The following WIF1 variants were observed in gnomAD, a reference collection of about 807,000 sequenced individuals.
WIF1 encodes the protein Wnt inhibitory factor 1.
In WIF1, 35 loss-of-function variants were observed where a neutral mutation model predicts 53.5. That is an observed-to-expected ratio of 0.65 (90% CI 0.50 to 0.87). WIF1 has a LOEUF of 0.87. Ranked by LOEUF, WIF1 falls within the 40% of genes least tolerant of loss-of-function variation. The pLI, the probability that WIF1 is intolerant of heterozygous loss-of-function variation, is 0.00. For missense variants in WIF1, 467 were observed against 476.8 expected (o/e 0.98, Z 0.19); for synonymous variants, 171 against 170.4 (o/e 1.00, Z -0.03).
At chr12:65,115,539 G>A (rs1023847846) in intron 2 of WIF1, among the ~76,000 whole-genome samples, 1 of 152,154 alleles carries the variant, frequency 6.6e-6, no homozygotes, top group Non-Finnish European at 1.5e-5. Flanking sequence ...GTTGCTCATG[G>A]CCCCTGCCTG....
intron 2 of WIF1, among the ~76,000 whole-genome samples, chr12:65,108,233 C>G (rs1011748105): frequency 6.6e-6 from 1 of 152,266 alleles, no homozygotes; most frequent in East Asian, 1.9e-4. Flanking sequence ...TAGTCTTGTT[C>G]ATTTTCAACC....
chr12:65,059,158 A>G (rs994214256), intron 7 of WIF1, among the ~76,000 whole-genome samples: 36 of 152,340 alleles, frequency 2.4e-4, no homozygotes, highest in African/African-American at 7.9e-4. Flanking sequence ...GAGTCCTTGT[A>G]AGAAGAATGA....
rs1883178890 is a variant in WIF1, at chr12:65,094,900, T to TTTTA, written c.289-17047_289-17046insTAAA. 2.1e-5 allele frequency among the ~76,000 whole-genome samples: 3 copies of TTTTA among 139,784 alleles called. No individual in the cohort carries two copies. The South Asian group carries it at 7.1e-4, about 33-fold the overall frequency. 91.7% of individuals were successfully genotyped at this position (139,784 alleles called of 152,430 possible). A position where few individuals can be genotyped will look rare whatever the true frequency, so the allele number is the denominator to read the frequency against. ...TCCTCCTCCTCCTCCTTCCTCTTCTTCTTATTTATTTATTTATTTATTTAT... is the reference window on the plus strand; with the variant it reads ...TCCTCCTCCTCCTCCTTCCTCTTCTTTTTACTTATTTATTTATTTATTTATTTAT... On this transcript the variant is annotated intron_variant, in intron 2 of 9. Transcript: ENST00000286574.
At chr12:65,094,900 T>TATTA (rs1883178890) in intron 2 of WIF1, among the ~76,000 whole-genome samples, 1 of 139,784 alleles carries the variant, frequency 7.2e-6, no homozygotes, top group Non-Finnish European at 1.6e-5. Flanking sequence ...TTCCTCTTCT[T>TATTA]CTTATTTATT....
chr12:65,106,346 T>C (rs191799774), intron 2 of WIF1, among the ~76,000 whole-genome samples: 390 of 151,328 alleles, frequency 2.6e-3, no homozygotes, highest in African/African-American at 9.0e-3. Flanking sequence ...AACAGAATCA[T>C]ATATATATAT....
At chr12:65,082,461 G>T (rs554405322) in intron 2 of WIF1, among the ~76,000 whole-genome samples, 5 of 152,126 alleles carry the variant, frequency 3.3e-5, no homozygotes, top group African/African-American at 7.2e-5. Context: ...CACATGAAAA[G>T]GTTGCTTTGT....
At chr12:65,052,033 G>T (rs1308462250) in intron 9 of WIF1, among the ~76,000 whole-genome samples, 1 of 152,128 alleles carries the variant, frequency 6.6e-6, no homozygotes, top group Non-Finnish European at 1.5e-5. Context: ...TTTGTGTTTT[G>T]GTCAAGGTGG....
rs779446531 is a variant in WIF1, at chr12:65,120,404, T to C, written c.288+13A>G. The C allele has an allele frequency of 3.1e-5, 50 of 1,611,640 alleles. No individual in the cohort carries two copies. Among genetic ancestry groups the C allele is most frequent in the Non-Finnish European group, 4.2e-5 (49 of 1,179,058 alleles). ...CAGTGGAAATATTAAAGGGTAATTT[T>C]CTCAGAACTTACCTGCCCTGCAGCT... On this transcript the variant is annotated intron_variant, in intron 2 of 9. Coordinates refer to ENST00000286574, the MANE Select transcript of WIF1 (RefSeq NM_007191.5).
chr12:65,055,818 A>C (rs1882516101), intron 8 of WIF1, among the ~76,000 whole-genome samples: 1 of 152,254 alleles, frequency 6.6e-6, no homozygotes. Flanking sequence ...CTTGTAGTTA[A>C]AACGTTCAGT....
At chr12:65,106,644 C>G (rs1161329241) in intron 2 of WIF1, among the ~76,000 whole-genome samples, 3 of 152,156 alleles carry the variant, frequency 2.0e-5, no homozygotes, top group Non-Finnish European at 4.4e-5. Flanking sequence ...CTGCGCCCAT[C>G]CCAAAAATAT....
At chr12:65,064,488 T>C (rs1372437402) in intron 6 of WIF1, among the ~76,000 whole-genome samples, 1 of 152,192 alleles carries the variant, frequency 6.6e-6, no homozygotes, top group Non-Finnish European at 1.5e-5. Flanking sequence ...TTCAAATACA[T>C]AGTGCTGATG....
intron 2 of WIF1, among the ~76,000 whole-genome samples, chr12:65,096,654 G>A (rs1276924686): frequency 6.6e-6 from 1 of 152,120 alleles, no homozygotes; most frequent in African/African-American, 2.4e-5. Flanking sequence ...AAGAAAATGT[G>A]GCACATATAC....
intron 7 of WIF1, among the ~76,000 whole-genome samples, chr12:65,062,126 C>A (rs904105728): frequency 3.9e-5 from 6 of 152,212 alleles, no homozygotes; most frequent in Non-Finnish European, 5.9e-5. Flanking sequence ...CAGATCCCAG[C>A]TGTCCCAGAG....
chr12:65,059,700 G>A (rs1057322579), intron 7 of WIF1, among the ~76,000 whole-genome samples: 1 of 151,492 alleles, frequency 6.6e-6, no homozygotes, highest in African/African-American at 2.4e-5. Flanking sequence ...CTCCTAGGCT[G>A]GAGTGCAGTG....
chr12:65,095,107 A>ATTT (rs71096025), intron 2 of WIF1, among the ~76,000 whole-genome samples: 3 of 139,570 alleles, frequency 2.1e-5, no homozygotes, highest in Admixed American at 7.2e-5. Flanking sequence ...TAATTTTTGT[A>ATTT]TTTTTTTTTT....
At chr12:65,108,624 C>G (rs1041878200) in intron 2 of WIF1, among the ~76,000 whole-genome samples, 2 of 152,174 alleles carry the variant, frequency 1.3e-5, no homozygotes, top group African/African-American at 4.8e-5. Flanking sequence ...GTCGATTACA[C>G]CTCCCCTCCC....
chr12:65,062,418 A>G lies in WIF1; in HGVS notation c.826+63T>C, dbSNP rs573354638. The G allele has an allele frequency of 9.8e-5, 132 of 1,353,618 alleles. 2 individuals are homozygous for G. In the South Asian group the frequency reaches 1.6e-3, roughly 16 times the overall value. 83.9% of individuals were successfully genotyped at this position (1,353,618 alleles called of 1,614,324 possible). On this transcript the variant is annotated intron_variant, in intron 7 of 9. Coordinates refer to ENST00000286574, the MANE Select transcript of WIF1 (RefSeq NM_007191.5). ...TTCCGACTCCTCCTTGATAAAATGA[A>G]GGGGTTATATGGGGTTTCTAAGGTC...
intron 5 of WIF1, 91 bp from the exon 6 acceptor site, chr12:65,066,827 T>C (rs1307152363): frequency 1.2e-5 from 10 of 824,342 alleles, no homozygotes; most frequent in Non-Finnish European, 1.8e-5. Flanking sequence ...GTCTACATTT[T>C]CAAGCTTTGT....
intron 7 of WIF1, among the ~76,000 whole-genome samples, chr12:65,056,892 C>G (rs1483949043): frequency 6.6e-6 from 1 of 152,070 alleles, no homozygotes; most frequent in African/African-American, 2.4e-5. Flanking sequence ...TCAAGTGATC[C>G]CCCCACCTCA....
Sources: allele counts gnomAD v4.1 joint callset (sites outside exome capture counted in the v4.1 genomes callset), GRCh38; gene constraint gnomAD v4.1.1; transcripts MANE v1.5; gene names NCBI Gene and HGNC (gene_info 2026-07-23, HGNC 2026-07-21).